Variants in ROBO2 observed in about 807,000 individuals in gnomAD.
ROBO2 encodes the protein roundabout guidance receptor 2.
In ROBO2, 53 loss-of-function variants were observed where a neutral mutation model predicts 160.8. The ratio of observed to expected loss-of-function variants is 0.33; its 90% CI spans 0.26 to 0.41. The LOEUF is 0.41. ROBO2 is among the 10% of genes least tolerant of loss of function. ROBO2 has a pLI of 1.00. For missense variants in ROBO2, 1,577 were observed against 1,722.4 expected, an observed-to-expected ratio of 0.92 and a Z score of 1.49; for synonymous variants, 664 against 611.7, an observed-to-expected ratio of 1.09 and a Z score of -1.26.
intron 4 of ROBO2, among the ~76,000 whole-genome samples, chr3:77,486,776 A>C (rs982231625): frequency 5.9e-5 from 9 of 151,906 alleles, no homozygotes; most frequent in Non-Finnish European, 1.3e-4. Context: ...CTTTTTTTTA[A>C]GTAAAATTAT....
intron 2 of ROBO2, among the ~76,000 whole-genome samples, chr3:76,377,668 A>G (rs1034936449): frequency 6.6e-6 from 1 of 152,218 alleles, no homozygotes; most frequent in Admixed American, 6.5e-5. Flanking sequence ...ACCAAAGTTC[A>G]TAGATGTTTA....
At chr3:76,258,953 T>C (rs1426254963) in intron 2 of ROBO2, among the ~76,000 whole-genome samples, 2 of 152,104 alleles carry the variant, frequency 1.3e-5, no homozygotes, top group Non-Finnish European at 2.9e-5. Flanking sequence ...TCACATTTTA[T>C]CAACTTTTCT....
At chr3:76,699,349 G>A (rs537509198) in intron 2 of ROBO2, among the ~76,000 whole-genome samples, 13 of 152,234 alleles carry the variant, frequency 8.5e-5, no homozygotes, top group Non-Finnish European at 1.9e-4. Flanking sequence ...CTTTTCTAGC[G>A]ACTTAGTTTA....
chr3:77,266,852 C>G (rs919933531), intron 2 of ROBO2, among the ~76,000 whole-genome samples: 1 of 152,080 alleles, frequency 6.6e-6, no homozygotes, highest in Non-Finnish European at 1.5e-5. Context: ...TTGCCTTGCT[C>G]CCTCTTTACT....
Position 76,032,308 on chromosome 3 carries a change from C to T in ROBO2, c.109+94706C>T, listed in dbSNP as rs528439646. Among the ~76,000 whole-genome samples the T allele has an allele frequency of 1.3e-4, 20 of 152,184 alleles. 1 individual carries two copies. In the South Asian group the frequency reaches 2.1e-3, roughly 16 times the overall value. ...TTTGTTGATCTTTCAAAAAAACCAG[C>T]GCTTGGATTCATTGATTTTTTGAGG... On this transcript the variant is annotated intron_variant, in intron 2 of 26. Coordinates refer to the ROBO2 transcript ENST00000487694.
At chr3:76,249,694 A>G (rs1230455949) in intron 2 of ROBO2, among the ~76,000 whole-genome samples, 3 of 152,096 alleles carry the variant, frequency 2.0e-5, no homozygotes, top group Non-Finnish European at 2.9e-5. Context: ...TTATTTGGCT[A>G]TATTATTTGC....
At chr3:76,814,146 G>C (rs1160428159) in intron 2 of ROBO2, among the ~76,000 whole-genome samples, 2 of 152,116 alleles carry the variant, frequency 1.3e-5, no homozygotes, top group Non-Finnish European at 2.9e-5. Flanking sequence ...GTAAGATAAA[G>C]AGCATTCCCA....
At chr3:77,132,247 T>C (rs1292727421) in intron 2 of ROBO2, among the ~76,000 whole-genome samples, 1 of 152,076 alleles carries the variant, frequency 6.6e-6, no homozygotes, top group Non-Finnish European at 1.5e-5. Flanking sequence ...GTCAGAAGAT[T>C]TATTGTAGTT....
intron 2 of ROBO2, among the ~76,000 whole-genome samples, chr3:76,552,945 G>T (rs1403107812): frequency 6.6e-6 from 1 of 152,150 alleles, no homozygotes; most frequent in Non-Finnish European, 1.5e-5. Context: ...GCCATCAAAG[G>T]ATATTAGTAA....
intron 2 of ROBO2, among the ~76,000 whole-genome samples, chr3:77,307,375 T>A (rs1444012794): frequency 3.9e-5 from 6 of 152,208 alleles, no homozygotes; most frequent in Non-Finnish European, 1.5e-5. Flanking sequence ...AAGTAGAGTT[T>A]ACCATCTTGG....
At chr3:76,619,485 C>G (rs2088885939) in intron 2 of ROBO2, among the ~76,000 whole-genome samples, 1 of 152,174 alleles carries the variant, frequency 6.6e-6, no homozygotes, top group African/African-American at 2.4e-5. Flanking sequence ...TATTCACATT[C>G]TGTTCTCCAG....
chr3:76,699,091 G>A (rs2092993447), intron 2 of ROBO2, among the ~76,000 whole-genome samples: 1 of 152,034 alleles, frequency 6.6e-6, no homozygotes, highest in Non-Finnish European at 1.5e-5. Context: ...AATTCTCTAG[G>A]CATTTATTTT....
chr3:75,945,981 A>C, intron 2 of ROBO2, among the ~76,000 whole-genome samples: 1 of 152,120 alleles, frequency 6.6e-6, no homozygotes, highest in South Asian at 2.1e-4. Flanking sequence ...GTGGAAAAAC[A>C]TACTGGCTTC....
At chr3:76,989,822 T>A (rs1255203236) in intron 2 of ROBO2, among the ~76,000 whole-genome samples, 1 of 152,114 alleles carries the variant, frequency 6.6e-6, no homozygotes, top group Non-Finnish European at 1.5e-5. Flanking sequence ...AAAATTTTCT[T>A]ATATAGTTTG....
chr3:77,602,271 C>T, exon 20 of ROBO2: 1 of 1,614,112 alleles, frequency 6.2e-7, no homozygotes, highest in Non-Finnish European at 8.5e-7. Flanking sequence ...CAGATGGAGC[C>T]ATTTATAGTA....
intron 2 of ROBO2, among the ~76,000 whole-genome samples, chr3:77,154,740 T>G (rs1302424036): frequency 6.6e-6 from 1 of 152,004 alleles, no homozygotes; most frequent in Non-Finnish European, 1.5e-5. Context: ...AGCTAGAGGC[T>G]TATCTTAAGT....
intron 2 of ROBO2, among the ~76,000 whole-genome samples, chr3:77,264,919 G>A (rs1381103087): frequency 1.3e-5 from 2 of 152,132 alleles, no homozygotes; most frequent in Middle Eastern, 3.4e-3. Context: ...GTTCCTTTAG[G>A]TGTATCACTA....
At chr3:76,014,706 T>A (rs2066353735) in intron 2 of ROBO2, among the ~76,000 whole-genome samples, 1 of 152,174 alleles carries the variant, frequency 6.6e-6, no homozygotes, top group Admixed American at 6.5e-5. Context: ...GGTGGGATGA[T>A]CACTTTAGCC....
intron 2 of ROBO2, among the ~76,000 whole-genome samples, chr3:76,295,582 T>C (rs902630016): frequency 4.6e-5 from 7 of 152,176 alleles, no homozygotes; most frequent in African/African-American, 1.7e-4. Context: ...AACGACTCAT[T>C]GATGAAGTTA....
Sources: allele counts gnomAD v4.1 joint callset (sites outside exome capture counted in the v4.1 genomes callset), GRCh38; gene constraint gnomAD v4.1.1; transcripts MANE v1.5; gene names NCBI Gene and HGNC (gene_info 2026-07-23, HGNC 2026-07-21).